NLGN4X: variants seen among roughly 807,000 people sequenced by gnomAD.
NLGN4X encodes neuroligin 4 X-linked, also known as neuroligin-4, X-linked.
Under a neutral mutation model 40.3 loss-of-function variants are expected in NLGN4X, and 3 were observed. The ratio of observed to expected loss-of-function variants is 0.07; its 90% CI spans 0.03 to 0.19. The LOEUF (loss-of-function observed/expected upper bound fraction) is 0.19. Ranked by LOEUF, NLGN4X falls within the 10% of genes least tolerant of loss-of-function variation. NLGN4X has a pLI of 1.00. For missense variants in NLGN4X, 382 were observed against 708.3 expected, an observed-to-expected ratio of 0.54 and a Z score of 5.23; for synonymous variants, 270 against 306.8, an observed-to-expected ratio of 0.88 and a Z score of 1.25.
chrX:5,914,408 T>A (rs991893252), intron 3 of NLGN4X, among the ~76,000 whole-genome samples: 5 of 111,313 alleles, frequency 4.5e-5, no homozygotes, highest in African/African-American at 1.6e-4. Context: ...TTGTTTTTCT[T>A]TCAATTAACA....
Position 5,966,485 on chromosome X carries a change from C to G in NLGN4X, c.626-57246G>C, listed in dbSNP as rs1487794116. On this transcript the variant is annotated intron_variant, in intron 3 of 5. Coordinates refer to ENST00000381095, the MANE Select transcript of NLGN4X (RefSeq NM_181332.3). Reference sequence around the variant, plus strand: ...CAGAGTGTGATTTGTATTACATAGTCTGTAAATATTATGCTAAGCGCATAT... The same window carrying G: ...CAGAGTGTGATTTGTATTACATAGTGTGTAAATATTATGCTAAGCGCATAT... Among the ~76,000 whole-genome samples the G allele has an allele frequency of 2.7e-5, 3 of 112,469 alleles. No homozygotes were observed. The Admixed American group carries it at 2.8e-4, about 11-fold the overall frequency.
At chrX:5,942,569 T>C (rs1193426015) in intron 3 of NLGN4X, among the ~76,000 whole-genome samples, 1 of 110,093 alleles carries the variant, frequency 9.1e-6, no homozygotes, top group Non-Finnish European at 1.9e-5. Context: ...TAGTCTCAGC[T>C]ACTCGGGAAG....
intron 2 of NLGN4X, among the ~76,000 whole-genome samples, chrX:6,095,035 T>A (rs771648080): frequency 7.3e-5 from 8 of 109,320 alleles, no homozygotes; most frequent in Non-Finnish European, 1.3e-4. Context: ...TGAAAAGAGT[T>A]CCATGTGTAC....
At chrX:6,199,923 G>A (rs141307627) in intron 1 of NLGN4X, among the ~76,000 whole-genome samples, 1 of 111,956 alleles carries the variant, frequency 8.9e-6, no homozygotes, top group East Asian at 2.8e-4. Flanking sequence ...TCCCTTAGGT[G>A]AGAGAGGAAC....
At chrX:6,221,142 G>A (rs1270095235) in intron 1 of NLGN4X, among the ~76,000 whole-genome samples, 1 of 106,275 alleles carries the variant, frequency 9.4e-6, no homozygotes, top group Non-Finnish European at 1.9e-5. Context: ...CCAGGCTGGA[G>A]TACACTGGCG....
chrX:5,940,308 T>C (rs989223609), intron 3 of NLGN4X, among the ~76,000 whole-genome samples: 2 of 112,493 alleles, frequency 1.8e-5, no homozygotes, highest in Non-Finnish European at 3.7e-5. Flanking sequence ...TCATATCTTA[T>C]AACTACATTT....
chrX:6,011,457 G>A (rs1432525102), intron 3 of NLGN4X, among the ~76,000 whole-genome samples: 1 of 109,777 alleles, frequency 9.1e-6, no homozygotes, highest in Non-Finnish European at 1.9e-5. Flanking sequence ...ATTTTTAAAA[G>A]TCTAAAGAAC....
chrX:6,013,119 C>T (rs922537568), intron 3 of NLGN4X, among the ~76,000 whole-genome samples: 1 of 111,354 alleles, frequency 9.0e-6, no homozygotes, highest in African/African-American at 3.3e-5. Context: ...TACTGTTTTG[C>T]TTTTATAATT....
intron 3 of NLGN4X, among the ~76,000 whole-genome samples, chrX:6,028,829 T>A (rs1407343005): frequency 8.9e-6 from 1 of 112,033 alleles, no homozygotes; most frequent in Non-Finnish European, 1.9e-5. Flanking sequence ...AAACAACAGA[T>A]CTTCCAAAGG....
intron 2 of NLGN4X, among the ~76,000 whole-genome samples, chrX:6,072,220 A>G (rs1296607629): frequency 2.7e-5 from 3 of 111,065 alleles, no homozygotes; most frequent in African/African-American, 6.6e-5. Context: ...TCCGTGAAAC[A>G]AACTGAACTA....
chrX:5,978,365 C>T (rs1241855683), intron 3 of NLGN4X, among the ~76,000 whole-genome samples: 1 of 94,970 alleles, frequency 1.1e-5, no homozygotes, highest in African/African-American at 4.2e-5. Context: ...CTTTCTTTCT[C>T]TTTCTTCTCT....
At chrX:6,221,395 A>AT (rs1294185195) in intron 1 of NLGN4X, among the ~76,000 whole-genome samples, 1 of 25,465 alleles carries the variant, frequency 3.9e-5, no homozygotes, top group Non-Finnish European at 7.2e-5. Context: ...CTTATATTAT[A>AT]TATATATATA....
In NLGN4X at chrX:5,899,215, T is replaced by G. The variant is rs372861792; in HGVS notation, c.1601+3862A>C. Among the ~76,000 whole-genome samples the G allele has an allele frequency of 2.7e-5, 3 of 112,340 alleles. No homozygotes were observed. In the East Asian group the frequency reaches 8.5e-4, roughly 32 times the overall value. On this transcript the variant is annotated intron_variant, in intron 5 of 5. Transcript: ENST00000381095. ...AAAAGAGCTCACTGCATTAATACACTCAGTGTTATTTCAGGGATGTTTCCC... is the reference window on the plus strand; with the variant it reads ...AAAAGAGCTCACTGCATTAATACACGCAGTGTTATTTCAGGGATGTTTCCC...
intron 3 of NLGN4X, among the ~76,000 whole-genome samples, chrX:6,005,744 C>T (rs1051036542): frequency 6.3e-5 from 7 of 111,352 alleles, no homozygotes; most frequent in Non-Finnish European, 9.4e-5. Flanking sequence ...ATTCTAGTAA[C>T]TGGACTCATA....
chrX:6,224,977 CATATATATATAT>C (rs34139921), intron 1 of NLGN4X, among the ~76,000 whole-genome samples: 5 of 52,325 alleles, frequency 9.6e-5, no homozygotes, highest in Admixed American at 4.8e-4. Flanking sequence ...TTAAAATGGC[CATATATATATAT>C]ATATATATAT....
At chrX:6,133,233 T>C (rs1001689104) in intron 2 of NLGN4X, among the ~76,000 whole-genome samples, 6 of 111,007 alleles carry the variant, frequency 5.4e-5, no homozygotes, top group African/African-American at 2.0e-4. Context: ...ACCATCATCA[T>C]CATCATCTAG....
At chrX:6,080,389 TGAG>T (rs768222241) in intron 2 of NLGN4X, among the ~76,000 whole-genome samples, 1 of 111,480 alleles carries the variant, frequency 9.0e-6, no homozygotes, top group African/African-American at 3.3e-5. Flanking sequence ...CAGACTTCTT[TGAG>T]GAGACACTCC....
Position 5,891,952 on chromosome X carries a change from A to G in NLGN4X, c.*865T>C. The G allele has an allele frequency of 6.7e-6, 1 of 149,790 alleles. No individual in the cohort carries two copies. The highest frequency in any genetic ancestry group is 1.6e-4 in the South Asian group (1 of 6,280). The allele number at this position is 149,790 out of a possible 1,213,427, so 12.3% of individuals were successfully genotyped here. On this transcript the variant is annotated 3_prime_UTR_variant, in exon 6 of 6. Transcript: ENST00000381095. ...ACAAATGAGAATCTCATGTAAGAAA[A>G]TCCCATGTCTTTGTTTACCACAAGT...
At chrX:6,186,363 A>G (rs954062678) in intron 1 of NLGN4X, among the ~76,000 whole-genome samples, 1 of 112,557 alleles carries the variant, frequency 8.9e-6, no homozygotes, top group African/African-American at 3.2e-5. Context: ...TTGACTCACC[A>G]TAAGGTAGGG....
Sources: allele counts gnomAD v4.1 joint callset (sites outside exome capture counted in the v4.1 genomes callset), GRCh38; gene constraint gnomAD v4.1.1; transcripts MANE v1.5; gene names NCBI Gene and HGNC (gene_info 2026-07-23, HGNC 2026-07-21).